GRIK2: variants seen among roughly 807,000 people sequenced by gnomAD.
GRIK2 encodes glutamate ionotropic receptor kainate type subunit 2.
Under a neutral mutation model 100.3 loss-of-function variants are expected in GRIK2, and 32 were observed. The ratio of observed to expected loss-of-function variants is 0.32; its 90% CI spans 0.24 to 0.43. The LOEUF is 0.43. Among genes scored for constraint, GRIK2 ranks in the 20% least tolerant of loss-of-function variants. GRIK2 has a pLI of 1.00. For synonymous variants in GRIK2, 417 were observed against 389.4 expected (o/e 1.07, Z -0.83); for missense variants, 843 against 1,114.9 (o/e 0.76, Z 3.47).
At chr6:101,712,122 T>C (rs556128336) in intron 7 of GRIK2, among the ~76,000 whole-genome samples, 1 of 151,818 alleles carries the variant, frequency 6.6e-6, no homozygotes, top group Non-Finnish European at 1.5e-5. Flanking sequence ...TAAAAGATAT[T>C]TGAAATTGAA....
chr6:101,860,107 A>G (rs1784651453), intron 11 of GRIK2, among the ~76,000 whole-genome samples: 1 of 152,006 alleles, frequency 6.6e-6, no homozygotes, highest in Admixed American at 6.6e-5. Context: ...AGGGTTTGGT[A>G]TGATCTTTCA....
chr6:101,397,777 C>A (rs1280365971), intron 1 of GRIK2, among the ~76,000 whole-genome samples: 1 of 151,982 alleles, frequency 6.6e-6, no homozygotes, highest in African/African-American at 2.4e-5. Flanking sequence ...GAGATTTAAC[C>A]TATGCCCTGT....
intron 7 of GRIK2, among the ~76,000 whole-genome samples, chr6:101,798,814 C>A (rs1041022331): frequency 1.3e-5 from 2 of 152,232 alleles, no homozygotes; most frequent in East Asian, 3.9e-4. Context: ...TTTAACACAG[C>A]ACTTGAAAAT....
chr6:101,974,659 G>A (rs1040761291), intron 14 of GRIK2, among the ~76,000 whole-genome samples: 12 of 151,916 alleles, frequency 7.9e-5, no homozygotes, highest in African/African-American at 2.4e-4. Context: ...CAACTGATTG[G>A]TCGAAGCTCA....
At chr6:101,938,541 T>C (rs534711267) in intron 14 of GRIK2, among the ~76,000 whole-genome samples, 1 of 152,238 alleles carries the variant, frequency 6.6e-6, no homozygotes, top group Non-Finnish European at 1.5e-5. Context: ...CTGAAACAAC[T>C]TGAATCTTTG....
At chr6:101,432,150 C>T (rs1352532599) in intron 2 of GRIK2, among the ~76,000 whole-genome samples, 2 of 152,174 alleles carry the variant, frequency 1.3e-5, no homozygotes, top group Non-Finnish European at 2.9e-5. Context: ...TTTGTTCCCT[C>T]TTGCCAGGAC....
At chr6:101,428,264 A>G (rs1582427925) in intron 2 of GRIK2, among the ~76,000 whole-genome samples, 1 of 152,230 alleles carries the variant, frequency 6.6e-6, no homozygotes, top group South Asian at 2.1e-4. Context: ...TTAGGCACTG[A>G]AAATTCTTTA....
At chr6:101,743,063 T>C (rs921181640) in intron 7 of GRIK2, among the ~76,000 whole-genome samples, 1 of 152,196 alleles carries the variant, frequency 6.6e-6, no homozygotes, top group African/African-American at 2.4e-5. Flanking sequence ...ACGGGAATCA[T>C]GTTTACAAAA....
chr6:102,002,370 ATATT>A (rs1370834904), intron 14 of GRIK2, among the ~76,000 whole-genome samples: 3 of 145,442 alleles, frequency 2.1e-5, no homozygotes, highest in Non-Finnish European at 4.6e-5. Context: ...TATTATGTAT[ATATT>A]TATGTTATAT....
chr6:101,866,548 T>C (rs1330459628), intron 11 of GRIK2, among the ~76,000 whole-genome samples: 2 of 152,142 alleles, frequency 1.3e-5, no homozygotes, highest in African/African-American at 4.8e-5. Flanking sequence ...AAGATTTTTC[T>C]CCAAAAAATT....
chr6:101,651,025 G>A (rs1227998878), intron 4 of GRIK2, among the ~76,000 whole-genome samples: 1 of 48,818 alleles, frequency 2.0e-5, no homozygotes, highest in Non-Finnish European at 4.1e-5. Context: ...TTTTTTTTTG[G>A]CAACAAATAG....
chr6:101,850,894 C>A (rs1784093548), intron 10 of GRIK2, among the ~76,000 whole-genome samples: 1 of 151,908 alleles, frequency 6.6e-6, no homozygotes, highest in African/African-American at 2.4e-5. Flanking sequence ...GCTTTTGGTA[C>A]CATTTTTCTT....
chr6:101,655,218 A>G (rs893953289), intron 4 of GRIK2, among the ~76,000 whole-genome samples: 11 of 152,196 alleles, frequency 7.2e-5, no homozygotes, highest in Non-Finnish European at 7.3e-5. Context: ...TGATAAGAGT[A>G]TTTTAGGTTT....
intron 14 of GRIK2, among the ~76,000 whole-genome samples, chr6:101,980,940 C>T (rs1430087151): frequency 1.6e-5 from 2 of 124,650 alleles, no homozygotes; most frequent in South Asian, 2.5e-4. Context: ...AGTTTCTGAT[C>T]AGTCAACTAT....
chr6:101,787,116 A>G (rs1360217441), intron 7 of GRIK2, among the ~76,000 whole-genome samples: 3 of 151,230 alleles, frequency 2.0e-5, no homozygotes, highest in African/African-American at 4.9e-5. Flanking sequence ...ATAGTTTTTC[A>G]TAACAGTCTT....
chr6:101,574,233 A>G (rs759521171), intron 2 of GRIK2, among the ~76,000 whole-genome samples: 2 of 149,658 alleles, frequency 1.3e-5, no homozygotes, highest in Non-Finnish European at 3.0e-5. Context: ...AGCAAATGTG[A>G]GCTTGAATTT....
chr6:101,561,294 A>G (rs1291272101), intron 2 of GRIK2, among the ~76,000 whole-genome samples: 2 of 152,070 alleles, frequency 1.3e-5, no homozygotes, highest in African/African-American at 4.8e-5. Flanking sequence ...AAGAAAAATC[A>G]TGAGGAAATT....
intron 2 of GRIK2, among the ~76,000 whole-genome samples, chr6:101,541,149 G>A (rs12195049): frequency 0.11 from 16,124 of 151,838 alleles, 1,136 homozygotes; most frequent in East Asian, 0.31. Flanking sequence ...AATTTCCATG[G>A]AAAACCAATT....
intron 16 of GRIK2, among the ~76,000 whole-genome samples, chr6:102,057,894 C>T (rs1266933386): frequency 6.6e-6 from 1 of 151,728 alleles, no homozygotes; most frequent in Non-Finnish European, 1.5e-5. Context: ...TAAAATGAGA[C>T]ATTAACTTGC....
Sources: allele counts gnomAD v4.1 joint callset (sites outside exome capture counted in the v4.1 genomes callset), GRCh38; gene constraint gnomAD v4.1.1; transcripts MANE v1.5; gene names NCBI Gene and HGNC (gene_info 2026-07-23, HGNC 2026-07-21).